The following NLK variants were observed in gnomAD, a reference collection of about 807,000 sequenced individuals.
NLK encodes serine/threonine-protein kinase NLK.
Under a neutral mutation model 59.0 loss-of-function variants are expected in NLK, and 11 were observed. The ratio of observed to expected loss-of-function variants is 0.19; its 90% CI spans 0.12 to 0.31. NLK has a LOEUF of 0.31. Ranked by LOEUF, NLK falls within the 10% of genes least tolerant of loss-of-function variation. NLK has a pLI of 1.00. For synonymous variants in NLK, 235 were observed against 235.9 expected (o/e 1.00, Z 0.03); for missense variants, 410 against 661.1 (o/e 0.62, Z 4.16).
intron 1 of NLK, among the ~76,000 whole-genome samples, chr17:28,061,666 A>T (rs769405390): frequency 5.9e-5 from 9 of 151,506 alleles, no homozygotes; most frequent in Admixed American, 2.6e-4. Context: ...TGTCTGGTAT[A>T]CTAGATTAAT....
intron 3 of NLK, among the ~76,000 whole-genome samples, chr17:28,157,306 C>T (rs1255504559): frequency 1.3e-5 from 2 of 152,126 alleles, no homozygotes; most frequent in Non-Finnish European, 2.9e-5. Context: ...GTTCTCCTGC[C>T]TCAGCCTCCA....
downstream of NLK, among the ~76,000 whole-genome samples, chr17:28,199,690 C>CAAAAAAAAAAAAAAAAAAAAAAAA (rs1909578442): frequency 2.7e-5 from 1 of 37,596 alleles, no homozygotes; most frequent in Non-Finnish European, 5.2e-5. Context: ...AAAAACAAAA[C>CAAAAAAAAAAAAAAAAAAAAAAAA]AAAACAAAAA....
intron 3 of NLK, among the ~76,000 whole-genome samples, chr17:28,139,814 C>T (rs1345359935): frequency 4.6e-5 from 7 of 152,134 alleles, no homozygotes; most frequent in Non-Finnish European, 7.4e-5. Context: ...GCTCTCAACC[C>T]ACCATGCTCT....
At chr17:28,076,551 G>A (rs1338548032) in intron 1 of NLK, among the ~76,000 whole-genome samples, 1 of 152,194 alleles carries the variant, frequency 6.6e-6, no homozygotes, top group Non-Finnish European at 1.5e-5. Context: ...TCAGTCCAAA[G>A]CAGTTCCTGT....
intron 1 of NLK, among the ~76,000 whole-genome samples, chr17:28,114,257 T>C (rs753963234): frequency 2.6e-5 from 4 of 152,220 alleles, no homozygotes; most frequent in Non-Finnish European, 5.9e-5. Context: ...TTTGGTTATA[T>C]ACCTAGGAGT....
At chr17:28,070,605 C>T (rs939739055) in intron 1 of NLK, among the ~76,000 whole-genome samples, 2 of 151,926 alleles carry the variant, frequency 1.3e-5, no homozygotes, top group African/African-American at 4.8e-5. Context: ...CCCACCTCGG[C>T]CTCCCAAAGT....
chr17:28,120,393 G>A (rs1246623091), intron 1 of NLK, among the ~76,000 whole-genome samples: 1 of 151,962 alleles, frequency 6.6e-6, no homozygotes, highest in African/African-American at 2.4e-5. Context: ...ACAGGTGTGA[G>A]CCACTGCGCC....
intron 1 of NLK, among the ~76,000 whole-genome samples, chr17:28,050,444 A>C (rs866236371): frequency 3.9e-5 from 6 of 152,336 alleles, no homozygotes; most frequent in South Asian, 2.1e-4. Context: ...GACATATAGC[A>C]CATAAACAGT....
At position 28,149,458 on chromosome 17, in the gene NLK, C is replaced by T. The variant is rs1907393417; in HGVS notation, c.645-11702C>T. On this transcript the variant is annotated intron_variant, in intron 3 of 10. Transcript: ENST00000407008. Reference sequence around the variant, plus strand: ...TAGATAAATTGCCAATTAGTTTGCACATCTAATTCAGAAATTTGTAGGTGC... The same window carrying T: ...TAGATAAATTGCCAATTAGTTTGCATATCTAATTCAGAAATTTGTAGGTGC... Among the ~76,000 whole-genome samples the T allele has an allele frequency of 3.3e-5, 5 of 152,310 alleles. No individual in the cohort carries two copies. In the South Asian group the frequency reaches 1.0e-3, roughly 32 times the overall value.
At chr17:28,053,361 T>C (rs1909326463) in intron 1 of NLK, among the ~76,000 whole-genome samples, 1 of 152,194 alleles carries the variant, frequency 6.6e-6, no homozygotes, top group Admixed American at 6.5e-5. Flanking sequence ...TCCTGAGTTA[T>C]TTGGAGGCAT....
chr17:28,110,488 G>GT lies in NLK; in HGVS notation c.459-12103dup, dbSNP rs111548049. 3.1e-3 allele frequency among the ~76,000 whole-genome samples: 436 copies of GT among 140,422 alleles called. 5 individuals carry two copies. The highest frequency in any genetic ancestry group is 0.013 in the East Asian group (66 of 4,902). 92.1% of individuals were successfully genotyped at this position (140,422 alleles called of 152,430 possible). A position where few individuals can be genotyped will look rare whatever the true frequency, so the allele number is the denominator to read the frequency against. Reference sequence around the variant, plus strand: ...TGTCTATCCTACTTGGGTTTTTTGGGTTTTTTTTTTTTACAACTTTTTGGA... The same window carrying GT: ...TGTCTATCCTACTTGGGTTTTTTGGGTTTTTTTTTTTTTACAACTTTTTGGA... On this transcript the variant is annotated intron_variant, in intron 1 of 10. Coordinates refer to ENST00000407008, the MANE Select transcript of NLK (RefSeq NM_016231.5).
At position 28,065,375 on chromosome 17, in the gene NLK, T is replaced by C. The variant is rs550936399; in HGVS notation, c.458+22044T>C. Among the ~76,000 whole-genome samples, 6 of 152,064 alleles carry C rather than the reference T, an allele frequency of 3.9e-5. No homozygotes were observed. The South Asian group carries it at 1.2e-3, about 32-fold the overall frequency. Reference sequence around the variant, plus strand: ...GAGGGAATTTCATGTACAAAGTCAGTGAATAAGAGATGGCAGTGTTTGGGG... The same window carrying C: ...GAGGGAATTTCATGTACAAAGTCAGCGAATAAGAGATGGCAGTGTTTGGGG... On this transcript the variant is annotated intron_variant, in intron 1 of 10. Coordinates refer to ENST00000407008, the MANE Select transcript of NLK (RefSeq NM_016231.5).
chr17:28,089,042 C>A (rs916947156), intron 1 of NLK, among the ~76,000 whole-genome samples: 1 of 152,176 alleles, frequency 6.6e-6, no homozygotes, highest in South Asian at 2.1e-4. Flanking sequence ...ACAGTGCATA[C>A]ACAGTACTCA....
chr17:28,132,676 G>A lies in NLK; in HGVS notation c.644+1G>A. 1 of 1,607,198 alleles carries A rather than the reference G, an allele frequency of 6.2e-7. No homozygotes were observed. The highest frequency in any genetic ancestry group is 8.5e-7 in the Non-Finnish European group (1 of 1,175,758). On this transcript the variant is annotated splice_donor_variant, in intron 3 of 10. Transcript: ENST00000407008. LOFTEE classifies it high-confidence loss of function. ...CACACATTGACTATTTTGAAGAAAT[G>A]TATCCTAACCAGGGAATGTGAAAGA...
chr17:28,145,406 T>C (rs35070459), intron 3 of NLK, among the ~76,000 whole-genome samples: 4,845 of 152,306 alleles, frequency 0.032, 234 homozygotes, highest in African/African-American at 0.11. Context: ...AGGAGTTACC[T>C]TCTGTAGAGG....
At chr17:28,065,904 A>C (rs1324899817) in intron 1 of NLK, among the ~76,000 whole-genome samples, 3 of 152,110 alleles carry the variant, frequency 2.0e-5, no homozygotes, top group African/African-American at 7.2e-5. Context: ...TCTAACCACT[A>C]CCACTTTCCT....
chr17:28,128,783 CCAGCAATTCTATTTCGTATACA>C (rs1420414860), intron 2 of NLK, among the ~76,000 whole-genome samples: 5 of 152,134 alleles, frequency 3.3e-5, no homozygotes, highest in African/African-American at 9.7e-5. Flanking sequence ...ACCCAATGAC[CCAGCAATTCTATTTCGTATACA>C]CTCAAGAGAA....
At chr17:28,071,612 G>C (rs1251055234) in intron 1 of NLK, among the ~76,000 whole-genome samples, 1 of 151,996 alleles carries the variant, frequency 6.6e-6, no homozygotes, top group African/African-American at 2.4e-5. Context: ...TTTATTTTCA[G>C]TTTCACTGTC....
chr17:28,163,724 C>T, intron 5 of NLK, 96 bp downstream of exon 5: 1 of 726,612 alleles, frequency 1.4e-6, no homozygotes, highest in Non-Finnish European at 2.3e-6. Context: ...AGTTCATTTC[C>T]ATTACTTTAC....
Sources: gnomAD v4.1 joint callset for allele counts (sites outside exome capture counted in the v4.1 genomes callset) on GRCh38, gnomAD v4.1.1 for gene constraint, MANE v1.5 for transcripts, NCBI Gene and HGNC (gene_info 2026-07-23, HGNC 2026-07-21) for gene names.